NOTCH1: variants seen among roughly 807,000 people sequenced by gnomAD.
NOTCH1 encodes notch receptor 1.
Under a neutral mutation model 254.8 loss-of-function variants are expected in NOTCH1, and 37 were observed. The ratio of observed to expected loss-of-function variants is 0.15; its 90% CI spans 0.11 to 0.19. The LOEUF (loss-of-function observed/expected upper bound fraction) is 0.19. Ranked by LOEUF, NOTCH1 falls within the 10% of genes least tolerant of loss-of-function variation. The pLI is 1.00. For synonymous variants in NOTCH1, 1,731 were observed against 1,618.1 expected (o/e 1.07, Z -1.68); for missense variants, 2,972 against 3,708.6 (o/e 0.80, Z 5.16).
chr9:136,518,308 C>A lies in NOTCH1; in HGVS notation c.1100-16G>T. On this transcript the variant is annotated splice_polypyrimidine_tract_variant and intron_variant, in intron 6 of 33. Transcript: ENST00000651671. ...CACAGCAGACCTGGGCAGGCAGCGGCGGTCAGTGGGCACGGCCCCTGGGCC... is the reference window on the plus strand; with the variant it reads ...CACAGCAGACCTGGGCAGGCAGCGGAGGTCAGTGGGCACGGCCCCTGGGCC... 1 of 1,606,174 alleles carries A rather than the reference C, an allele frequency of 6.2e-7. No individual in the cohort carries two copies. Among genetic ancestry groups the A allele is most frequent in the Non-Finnish European group, 8.5e-7 (1 of 1,177,916 alleles).
rs1046586459 is a variant in NOTCH1 at position 136,540,102 on chromosome 9, G to T, written c.140+3922C>A. Among the ~76,000 whole-genome samples, 1 of 152,206 alleles carries T rather than the reference G, an allele frequency of 6.6e-6. No individual in the cohort carries two copies. The highest frequency in any genetic ancestry group is 1.5e-5 in the Non-Finnish European group (1 of 68,026). On this transcript the variant is annotated intron_variant, in intron 2 of 33. Coordinates refer to ENST00000651671, the MANE Select transcript of NOTCH1 (RefSeq NM_017617.5). This position sits in a 1 kb window ranked among gnomAD's most constrained non-coding sequence, Gnocchi z 4.4. The stretch of plus-strand genomic sequence containing the variant: ...TCTGGGTCTCTTCTTCTCACTTATC[G>T]GTGCCTGATCCAGACAGCTTTACGG...
At chr9:136,514,911 G>A (rs889213744) in intron 12 of NOTCH1, among the ~76,000 whole-genome samples, 1 of 152,174 alleles carries the variant, frequency 6.6e-6, no homozygotes, top group South Asian at 2.1e-4. Context: ...GGGGCCCCAG[G>A]GGCAGGGGCT....
chr9:136,518,097 G>A (rs1428643121), intron 7 of NOTCH1, 40 bp downstream of exon 7: 2 of 1,563,186 alleles, frequency 1.3e-6, no homozygotes, highest in Admixed American at 1.8e-5. Context: ...GGGCCAGGCT[G>A]CCACCCCCAC....
At position 136,497,508 on chromosome 9, in the gene NOTCH1, G is replaced by A; in HGVS notation, c.6231C>T (p.Ala2077=). The A allele has an allele frequency of 6.2e-7, 1 of 1,611,364 alleles. No homozygotes were observed. The highest frequency in any genetic ancestry group is 1.1e-5 in the South Asian group (1 of 91,062). ...TGGCAAAGTGGTCCAGCAGCACCTT[G>A]GCGGTCTCGTAGCTGCCCTCCCGGG... is the stretch of plus-strand genomic sequence containing the variant. ...LAAREGSYET[A]KVLLDHFANR... The change falls in exon 34 of 34, where the codon GCC becomes GCT. Residue 2077 remains alanine, a synonymous_variant. Transcript: ENST00000651671.
intron 31 of NOTCH1, 110 bp downstream of exon 31, chr9:136,500,442 T>C: frequency 7.3e-7 from 1 of 1,364,138 alleles, no homozygotes; most frequent in East Asian, 2.3e-5. Context: ...TGTCCCGGAC[T>C]CAGCTGTGCT....
intron 22 of NOTCH1, 54 bp from the exon 23 acceptor site, chr9:136,507,027 G>A (rs919757551): frequency 1.1e-5 from 17 of 1,579,048 alleles, no homozygotes; most frequent in South Asian, 5.7e-5. Flanking sequence ...CGGCCCTGCC[G>A]TGCCGCGTGT....
chr9:136,496,488 C>A lies in NOTCH1; in HGVS notation c.7251G>T (p.Pro2417=), dbSNP rs368498380. Residue 2417 remains proline, a synonymous_variant, in exon 34 of 34, where the codon CCG becomes CCT. Transcript: ENST00000651671. Reference sequence around the variant, plus strand: ...TGGCTGCTGAGCTCACGCCAAGGTGCGGCTGTGGTGGTGGTGGTGGCGGCT... The same window carrying A: ...TGGCTGCTGAGCTCACGCCAAGGTGAGGCTGTGGTGGTGGTGGTGGCGGCT... ...SLQPPPPPPQ[P]HLGVSSAASG... 6.2e-7 allele frequency: 1 copy of A among 1,601,696 alleles called. No individual in the cohort carries two copies. The highest frequency in any genetic ancestry group is 8.5e-7 in the Non-Finnish European group (1 of 1,179,890).
At chr9:136,532,948 C>G (rs1213352891) in intron 2 of NOTCH1, among the ~76,000 whole-genome samples, 1 of 152,228 alleles carries the variant, frequency 6.6e-6, no homozygotes, top group Non-Finnish European at 1.5e-5. Context: ...CACCTCCATT[C>G]CCACTGCCCA....
At chr9:136,519,873 C>G (rs1226839962) in intron 4 of NOTCH1, among the ~76,000 whole-genome samples, 1 of 152,262 alleles carries the variant, frequency 6.6e-6, no homozygotes, top group Admixed American at 6.5e-5. Flanking sequence ...GTGCCGCCTG[C>G]ATGCTCAGAG....
chr9:136,506,605 T>G lies in NOTCH1; in HGVS notation c.3936A>C (p.Lys1312Asn). 1.2e-6 allele frequency: 2 copies of G among 1,610,966 alleles called. No individual in the cohort carries two copies. The highest frequency in any genetic ancestry group is 1.7e-6 in the Non-Finnish European group (2 of 1,179,452). The change falls in exon 24 of 34, where the codon AAA becomes AAC. Residue 1312 changes from lysine to asparagine, a missense_variant. Physicochemically the swap from Lys to Asn is moderately conservative, Grantham distance 94. This residue lies in a region of NOTCH1 where 1,343 missense variants were observed against 1,557.0 expected (regional missense o/e 0.86). Transcript: ENST00000651671. The surrounding 1 kb of genome is among the most constrained non-coding windows in gnomAD (Gnocchi z 4.5). ...RRCESVINGC[K>N]GKPCKNGGTC... ...TGCCCCCATTCTTGCAGGGCTTGCC[T>G]TTGCAGCCATTGATGACGGACTCGC...
rs201987555 is a variant in NOTCH1 at position 136,497,448 on chromosome 9, C to T, written c.6291G>A (p.Pro2097=). Residue 2097 remains proline (P), a synonymous_variant, in exon 34 of 34, where the codon CCG becomes CCA. Coordinates refer to ENST00000651671, the MANE Select transcript of NOTCH1 (RefSeq NM_017617.5). ...GCATGCGCTCCTGTGCGATGTCGCGCGGCAGGCGGTCCATATGATCCGTGA... is the reference window on the plus strand; with the variant it reads ...GCATGCGCTCCTGTGCGATGTCGCGTGGCAGGCGGTCCATATGATCCGTGA... ...RDITDHMDRL[P]RDIAQERMHH... 446 of 1,612,396 alleles carry T rather than the reference C, an allele frequency of 2.8e-4. No homozygotes were observed. Among genetic ancestry groups the T allele is most frequent in the Non-Finnish European group, 3.4e-4 (403 of 1,179,936 alleles).
chr9:136,520,251 T>C (rs377415485), intron 4 of NOTCH1, among the ~76,000 whole-genome samples: 6 of 152,316 alleles, frequency 3.9e-5, no homozygotes, highest in Non-Finnish European at 7.4e-5. Context: ...CGGTTACTAA[T>C]TGCCGCCCTC....
At chr9:136,531,506 G>A (rs1379810396) in intron 2 of NOTCH1, among the ~76,000 whole-genome samples, 2 of 152,220 alleles carry the variant, frequency 1.3e-5, no homozygotes, top group Non-Finnish European at 2.9e-5. Flanking sequence ...TCCCAGGACC[G>A]GGAAGTCTGG....
chr9:136,532,189 G>C (rs1292212854), intron 2 of NOTCH1, among the ~76,000 whole-genome samples: 3 of 152,128 alleles, frequency 2.0e-5, no homozygotes. Flanking sequence ...GGGGACACCA[G>C]GGTGTCCCAA....
rs374640663 is a variant in NOTCH1, at chr9:136,497,142, G to A, written c.6597C>T (p.Pro2199=). 8.7e-6 allele frequency: 14 copies of A among 1,612,572 alleles called. No individual in the cohort carries two copies. The highest frequency in any genetic ancestry group is 4.0e-5 in the African/African-American group (3 of 74,926). The change falls in exon 34 of 34, where the codon CCC becomes CCT. Residue 2199 remains proline (P), a synonymous_variant. Coordinates refer to ENST00000651671, the MANE Select transcript of NOTCH1 (RefSeq NM_017617.5). Reference sequence around the variant, plus strand: ...CATGGGGTGACTCCAGGGAGTCCACGGGCGAGAGCATGCCGGAGCTGTCCA... The same window carrying A: ...CATGGGGTGACTCCAGGGAGTCCACAGGCGAGAGCATGCCGGAGCTGTCCA... ...CLLDSSGMLS[P]VDSLESPHGY...
chr9:136,539,414 A>C (rs1281120487), intron 2 of NOTCH1, among the ~76,000 whole-genome samples: 1 of 152,044 alleles, frequency 6.6e-6, no homozygotes, highest in African/African-American at 2.4e-5. Flanking sequence ...TTTGAGACAG[A>C]GTCTCACTTT....
In NOTCH1 at chr9:136,500,702, G is replaced by C. The variant is rs773571672; in HGVS notation, c.5784C>G (p.Gly1928=). ...GGGCGGCCAGGTGCAAGGCGGTCTCGCCCGTGCGGTCTGTCTGGTTGTGCA... is the reference window on the plus strand; with the variant it reads ...GGGCGGCCAGGTGCAAGGCGGTCTCCCCCGTGCGGTCTGTCTGGTTGTGCA... ...ASLHNQTDRT[G]ETALHLAARY... The change falls in exon 31 of 34, where the codon GGC becomes GGG. Residue 1928 remains glycine, a synonymous_variant. Transcript: ENST00000651671. 2 of 1,610,100 alleles carry C rather than the reference G, an allele frequency of 1.2e-6. No individual in the cohort carries two copies. The highest frequency in any genetic ancestry group is 1.7e-6 in the Non-Finnish European group (2 of 1,179,908).
intron 2 of NOTCH1, among the ~76,000 whole-genome samples, chr9:136,525,775 T>TG (rs1178945169): frequency 6.6e-6 from 1 of 152,168 alleles, no homozygotes; most frequent in Non-Finnish European, 1.5e-5. Flanking sequence ...TTGTGGAGGC[T>TG]GGGGGTGGGG....
intron 4 of NOTCH1, among the ~76,000 whole-genome samples, chr9:136,520,746 A>G (rs999298964): frequency 6.6e-6 from 1 of 151,890 alleles, no homozygotes; most frequent in African/African-American, 2.4e-5. Flanking sequence ...AAAAAAAAAA[A>G]AATTCAGAGC....
Sources: allele counts gnomAD v4.1 joint callset (sites outside exome capture counted in the v4.1 genomes callset), GRCh38; gene constraint gnomAD v4.1.1; regional missense constraint gnomAD v4.1.1; non-coding constraint Gnocchi (gnomAD v3.1); transcripts MANE v1.5; gene names NCBI Gene and HGNC (gene_info 2026-07-23, HGNC 2026-07-21).